The following ZFHX3 variants were observed in gnomAD, a reference collection of about 807,000 sequenced individuals.
The protein encoded by ZFHX3 is zinc finger homeobox protein 3.
A neutral mutation model predicts 279.1 loss-of-function variants in ZFHX3; 42 were observed. The ratio of observed to expected loss-of-function variants is 0.15; its 90% CI spans 0.12 to 0.19. The LOEUF (loss-of-function observed/expected upper bound fraction) is 0.19, where lower values mean the gene tolerates loss of function less well. ZFHX3 is among the 10% of genes least tolerant of loss of function. The pLI is 1.00. For synonymous variants in ZFHX3, 2,293 were observed against 1,957.8 expected (o/e 1.17, Z -4.52); for missense variants, 4,981 against 4,754.0 (o/e 1.05, Z -1.40).
intron 2 of ZFHX3, among the ~76,000 whole-genome samples, chr16:73,601,505 T>C (rs2052118258): frequency 6.6e-6 from 1 of 152,012 alleles, no homozygotes; most frequent in Non-Finnish European, 1.5e-5. Context: ...CGCTCTATTT[T>C]AACTCATCAT....
chr16:73,704,199 C>A (rs1002468192), intron 1 of ZFHX3, among the ~76,000 whole-genome samples: 3 of 151,994 alleles, frequency 2.0e-5, no homozygotes, highest in African/African-American at 4.8e-5. Context: ...TCACTTCTAC[C>A]ACATGAATCC....
intron 2 of ZFHX3, among the ~76,000 whole-genome samples, chr16:73,478,806 A>C (rs945203294): frequency 6.6e-6 from 1 of 152,164 alleles, no homozygotes; most frequent in African/African-American, 2.4e-5. Flanking sequence ...TAATCCCAGC[A>C]CTTTGGGAGG....
chr16:73,089,068 G>C (rs968423846), intron 8 of ZFHX3, among the ~76,000 whole-genome samples: 4 of 152,050 alleles, frequency 2.6e-5, no homozygotes, highest in African/African-American at 9.7e-5. Context: ...CAAAGGCAAA[G>C]GTAATGTTAC....
At chr16:73,417,095 T>C (rs933624054) in intron 3 of ZFHX3, among the ~76,000 whole-genome samples, 1 of 152,184 alleles carries the variant, frequency 6.6e-6, no homozygotes, top group Non-Finnish European at 1.5e-5. Context: ...TCACCTCTGC[T>C]ATTGCTGCCC....
At chr16:73,551,341 T>G (rs547420531) in intron 2 of ZFHX3, among the ~76,000 whole-genome samples, 1 of 152,078 alleles carries the variant, frequency 6.6e-6, no homozygotes, top group Admixed American at 6.5e-5. Flanking sequence ...ACAAGTAGCA[T>G]GAAGAAAAAA....
At chr16:73,133,972 G>A (rs988780438) in intron 6 of ZFHX3, among the ~76,000 whole-genome samples, 1 of 152,132 alleles carries the variant, frequency 6.6e-6, no homozygotes, top group Non-Finnish European at 1.5e-5. Context: ...TGTAGTGATA[G>A]CCGATACTTA....
At chr16:73,644,647 C>T (rs1485969345) in intron 2 of ZFHX3, among the ~76,000 whole-genome samples, 4 of 151,182 alleles carry the variant, frequency 2.6e-5, no homozygotes, top group African/African-American at 7.3e-5. Flanking sequence ...GGCGACAGAG[C>T]GAGACTCTTT....
chr16:72,787,017 A>T lies in ZFHX3; in HGVS notation c.*147T>A. On this transcript the variant is annotated 3_prime_UTR_variant, in exon 10 of 10. Coordinates refer to ENST00000268489, the MANE Select transcript of ZFHX3 (RefSeq NM_006885.4). The stretch of plus-strand genomic sequence containing the variant: ...GCATAGATAGGTATATGGGAAAACA[A>T]CCCACGCTTTTTCTTTTTTTTCTTT... The T allele has an allele frequency of 1.1e-6, 1 of 936,628 alleles. No individual in the cohort carries two copies. The highest frequency in any genetic ancestry group is 1.4e-6 in the Non-Finnish European group (1 of 711,662). 58.0% of individuals were successfully genotyped at this position (936,628 alleles called of 1,614,324 possible).
At chr16:72,972,891 TAAA>T (rs1013871590) in intron 1 of ZFHX3, among the ~76,000 whole-genome samples, 1 of 152,166 alleles carries the variant, frequency 6.6e-6, no homozygotes, top group African/African-American at 2.4e-5. Context: ...ACTTATTCGA[TAAA>T]ATTCTTTTAT....
At chr16:73,245,615 C>T (rs963215839) in intron 5 of ZFHX3, among the ~76,000 whole-genome samples, 1 of 152,166 alleles carries the variant, frequency 6.6e-6, no homozygotes, top group African/African-American at 2.4e-5. Flanking sequence ...GGATGTTGTT[C>T]CAAAGACGTA....
At chr16:73,379,199 G>A (rs1393977512) in intron 3 of ZFHX3, among the ~76,000 whole-genome samples, 1 of 152,108 alleles carries the variant, frequency 6.6e-6, no homozygotes, top group East Asian at 1.9e-4. Flanking sequence ...TGATTTCTTA[G>A]TCATGGAGGA....
chr16:73,320,247 T>C (rs1489604342), intron 3 of ZFHX3, among the ~76,000 whole-genome samples: 1 of 152,186 alleles, frequency 6.6e-6, no homozygotes, highest in East Asian at 1.9e-4. Context: ...TAATGACCCC[T>C]TATTTAAAAA....
chr16:73,379,141 T>C (rs111620547), intron 3 of ZFHX3, among the ~76,000 whole-genome samples: 2 of 152,166 alleles, frequency 1.3e-5, no homozygotes, highest in African/African-American at 2.4e-5. Context: ...ATCCCAAATA[T>C]TTTTTAGGAT....
intron 4 of ZFHX3, among the ~76,000 whole-genome samples, chr16:73,303,408 C>T: frequency 6.6e-6 from 1 of 152,166 alleles, no homozygotes; most frequent in East Asian, 1.9e-4. Flanking sequence ...TATAAAAATT[C>T]TCATGCTCCT....
intron 4 of ZFHX3, among the ~76,000 whole-genome samples, chr16:72,833,876 A>G (rs2037122913): frequency 6.6e-6 from 1 of 152,128 alleles, no homozygotes; most frequent in South Asian, 2.1e-4. Context: ...AAAAGCAAAT[A>G]CTGGAAAACT....
rs2035559290 is a variant in ZFHX3 at position 72,788,567 on chromosome 16, T to C, written c.9709A>G (p.Ser3237Gly). The change falls in exon 10 of 10, where the codon AGT becomes GGT. Residue 3237 changes from serine to glycine, a missense_variant. Ser to Gly is a moderately conservative substitution (Grantham distance 56). Coordinates refer to ENST00000268489, the MANE Select transcript of ZFHX3 (RefSeq NM_006885.4). ...QQQQQRKDKD[S>G]EKVKEKEKAH... ...TTTTCCTTCTCCTTTACTTTCTCAC[T>C]GTCTTTGTCCTTGCGTTGCTGCTGC... 1 of 1,613,954 alleles carries C rather than the reference T, an allele frequency of 6.2e-7. No homozygotes were observed. The highest frequency in any genetic ancestry group is 1.3e-5 in the African/African-American group (1 of 74,890).
At chr16:72,810,554 GA>G (rs1242928801) in intron 7 of ZFHX3, among the ~76,000 whole-genome samples, 1 of 152,186 alleles carries the variant, frequency 6.6e-6, no homozygotes, top group Non-Finnish European at 1.5e-5. Flanking sequence ...GCACTATTTT[GA>G]AAAGTTTTTA....
At chr16:72,903,452 G>A (rs2039089893) in intron 3 of ZFHX3, among the ~76,000 whole-genome samples, 1 of 152,164 alleles carries the variant, frequency 6.6e-6, no homozygotes, top group Non-Finnish European at 1.5e-5. Context: ...GTTAGACAAG[G>A]CAGGCTTCTA....
chr16:73,712,452 T>C (rs2053372510), intron 1 of ZFHX3, among the ~76,000 whole-genome samples: 1 of 152,186 alleles, frequency 6.6e-6, no homozygotes, highest in Admixed American at 6.5e-5. Flanking sequence ...GGTTGCAGGC[T>C]AAAGTTATCC....
Sources: allele counts gnomAD v4.1 joint callset (sites outside exome capture counted in the v4.1 genomes callset), GRCh38; gene constraint gnomAD v4.1.1; transcripts MANE v1.5; gene names NCBI Gene and HGNC (gene_info 2026-07-23, HGNC 2026-07-21).